Variants in GSE1 observed in about 807,000 individuals in gnomAD.
GSE1 encodes genetic suppressor element 1.
Under a neutral mutation model 112.6 loss-of-function variants are expected in GSE1, and 32 were observed. That is an observed-to-expected ratio of 0.28 (90% CI 0.21 to 0.38). The LOEUF (loss-of-function observed/expected upper bound fraction) is 0.38, where lower values mean the gene tolerates loss of function less well. Among genes scored for constraint, GSE1 ranks in the 10% least tolerant of loss-of-function variants. The probability of loss-of-function intolerance (pLI) is 1.00; values close to 1 mark genes in which losing one functional copy is unlikely to be tolerated. For missense variants in GSE1, 2,348 were observed against 1,699.2 expected, an observed-to-expected ratio of 1.38 and a Z score of -6.71; for synonymous variants, 1,115 against 735.6, an observed-to-expected ratio of 1.52 and a Z score of -8.35.
chr16:85,650,479 G>C (rs887801563), intron 3 of GSE1, among the ~76,000 whole-genome samples: 1 of 152,178 alleles, frequency 6.6e-6, no homozygotes, highest in Non-Finnish European at 1.5e-5. Flanking sequence ...ACCCCGACCA[G>C]AGCTCCTGGC....
At position 85,676,078 on chromosome 16, in the gene GSE1, C is replaced by T. The variant is rs1276770758; in HGVS notation, c.*3539C>T. The stretch of plus-strand genomic sequence containing the variant: ...TAGATGCTGTGAAATTAAACCTGTT[C>T]TAAGTGTACTTGTTTGAATTAATTG... On this transcript the variant is annotated 3_prime_UTR_variant, in exon 16 of 16. Transcript: ENST00000253458. The T allele has an allele frequency of 6.6e-6, 1 of 152,624 alleles. No individual in the cohort carries two copies. The highest frequency in any genetic ancestry group is 2.4e-5 in the African/African-American group (1 of 41,438). 9.5% of individuals were successfully genotyped at this position (152,624 alleles called of 1,614,324 possible). A position where few individuals can be genotyped will look rare whatever the true frequency, so the allele number is the denominator to read the frequency against.
At chr16:85,462,808 G>A (rs1437617200) in intron 2 of GSE1, among the ~76,000 whole-genome samples, 2 of 144,812 alleles carry the variant, frequency 1.4e-5, no homozygotes, top group African/African-American at 2.5e-5. Context: ...AGCCGGGGGC[G>A]CGGGGCCGGG....
Position 85,672,560 on chromosome 16 carries a change from C to G in GSE1, c.*21C>G. On this transcript the variant is annotated 3_prime_UTR_variant, in exon 16 of 16. Coordinates refer to ENST00000253458, the MANE Select transcript of GSE1 (RefSeq NM_014615.5). ...GGTGACGGTTTCCCTTGCACTAGGC[C>G]GAACCTATAGTATAGAAATATTATC... The G allele has an allele frequency of 6.4e-7, 1 of 1,553,294 alleles. No individual in the cohort carries two copies. The highest frequency in any genetic ancestry group is 8.8e-7 in the Non-Finnish European group (1 of 1,133,914).
intron 2 of GSE1, among the ~76,000 whole-genome samples, chr16:85,423,967 A>G (rs962626980): frequency 6.6e-6 from 1 of 152,096 alleles, no homozygotes; most frequent in African/African-American, 2.4e-5. Flanking sequence ...CACTTCCTGG[A>G]GGCTGGCACT....
At chr16:85,234,628 C>T (rs1904404032) in intron 1 of GSE1, among the ~76,000 whole-genome samples, 1 of 152,196 alleles carries the variant, frequency 6.6e-6, no homozygotes, top group African/African-American at 2.4e-5. Flanking sequence ...CTCAGGGAGG[C>T]CCTGTGACGT....
At position 85,673,356 on chromosome 16, in the gene GSE1, GTATGTTTTTATTACTT is replaced by G. The variant is rs2053491050; in HGVS notation, c.*820_*835del. The G allele has an allele frequency of 6.6e-6, 1 of 151,048 alleles. No individual in the cohort carries two copies. 9.4% of individuals were successfully genotyped at this position (151,048 alleles called of 1,614,324 possible). On this transcript the variant is annotated 3_prime_UTR_variant, in exon 16 of 16. Coordinates refer to ENST00000253458, the MANE Select transcript of GSE1 (RefSeq NM_014615.5). Reference sequence around the variant, plus strand: ...TATATTAAAAAAAAAACAAAGTTTTGTATGTTTTTATTACTTTAACTATTGTTATAAAAAGCCTGCC... The same window carrying G: ...TATATTAAAAAAAAAACAAAGTTTTGTAACTATTGTTATAAAAAGCCTGCC...
chr16:85,253,046 A>C (rs1906653195), intron 1 of GSE1, among the ~76,000 whole-genome samples: 3 of 119,252 alleles, frequency 2.5e-5, no homozygotes, highest in East Asian at 2.9e-4. Context: ...GCTCCAGCTC[A>C]TAGGCGCCCC....
intron 2 of GSE1, among the ~76,000 whole-genome samples, chr16:85,506,125 A>C (rs2051527796): frequency 6.6e-6 from 1 of 152,134 alleles, no homozygotes; most frequent in Admixed American, 6.5e-5. Context: ...TATTGTGTGC[A>C]GTTGTGCAGC....
At chr16:85,659,830 C>A (rs2052284497) in intron 8 of GSE1, among the ~76,000 whole-genome samples, 1 of 152,256 alleles carries the variant, frequency 6.6e-6, no homozygotes, top group African/African-American at 2.4e-5. Context: ...TTCTTTCCCT[C>A]CCTGCCTCAG....
chr16:85,567,577 G>A (rs545135273), intron 1 of GSE1, among the ~76,000 whole-genome samples: 17 of 152,274 alleles, frequency 1.1e-4, no homozygotes, highest in South Asian at 4.1e-4. Context: ...CCAGAGCTCC[G>A]AAGGCAGTGG....
upstream of GSE1, chr16:85,611,454 G>C (rs1174012305): frequency 1.0e-6 from 1 of 985,108 alleles, no homozygotes; most frequent in Non-Finnish European, 1.2e-6. Context: ...GCCGCAAGGG[G>C]GGCGCCGCCG....
rs1024274773 is a variant in GSE1, at chr16:85,436,217, C to T, written c.2464+78574C>T. Among the ~76,000 whole-genome samples, 6 of 152,240 alleles carry T rather than the reference C, an allele frequency of 3.9e-5. No homozygotes were observed. In the South Asian group the frequency reaches 8.3e-4, roughly 21 times the overall value. On this transcript the variant is annotated intron_variant, in intron 2 of 2. Coordinates refer to the GSE1 transcript ENST00000637419. The stretch of plus-strand genomic sequence containing the variant: ...AAGTTCACCCCTAAACTCCTCTCCT[C>T]TCCTTCCCTTGCTCTTAGCAAAGCA...
chr16:85,478,076 C>T (rs1427166380), intron 2 of GSE1, among the ~76,000 whole-genome samples: 4 of 152,186 alleles, frequency 2.6e-5, no homozygotes, highest in Admixed American at 6.5e-5. Flanking sequence ...CGCTTTCTGT[C>T]TGTGGATTTC....
chr16:85,656,538 G>C lies in GSE1; in HGVS notation c.1185G>C (p.Glu395Asp). Residue 395 changes from glutamate to aspartate, a missense_variant, in exon 7 of 16, where the codon GAG (glutamate) becomes GAC (aspartate). Coordinates refer to ENST00000253458, the MANE Select transcript of GSE1 (RefSeq NM_014615.5). ...GCCAGCGGGAGCAGCGGGCCCGGGA[G>C]AAGGAGCTGCTGGCCGCCAAGGCCC... is the stretch of plus-strand genomic sequence containing the variant. ...LERQREQRAR[E>D]KELLAAKALE... The C allele has an allele frequency of 6.5e-7, 1 of 1,548,962 alleles. No individual in the cohort carries two copies. Among genetic ancestry groups the C allele is most frequent in the Non-Finnish European group, 8.7e-7 (1 of 1,146,492 alleles).
Position 85,336,224 on chromosome 16 carries a change from T to C in GSE1, c.2284-21239T>C, listed in dbSNP as rs111311663. 8.5e-5 allele frequency among the ~76,000 whole-genome samples: 13 copies of C among 152,296 alleles called. 1 individual carries two copies. The highest frequency in any genetic ancestry group is 4.6e-4 in the Admixed American group (7 of 15,298). ...TGAGCTTCCATTAGCCCTCCTGACA[T>C]GCGCCACTCCAGCAGTGTTTGGGGA... is the stretch of plus-strand genomic sequence containing the variant. On this transcript the variant is annotated intron_variant, in intron 1 of 2. Transcript: ENST00000637419.
At chr16:85,519,205 A>G (rs373727426) in intron 2 of GSE1, among the ~76,000 whole-genome samples, 3 of 152,078 alleles carry the variant, frequency 2.0e-5, no homozygotes, top group African/African-American at 7.2e-5. Context: ...CCTCATCATC[A>G]TCACCTTCAC....
chr16:85,393,473 C>T (rs1232349491), intron 2 of GSE1, among the ~76,000 whole-genome samples: 2 of 152,336 alleles, frequency 1.3e-5, no homozygotes. Flanking sequence ...TCACACAGTA[C>T]CCAGCACACA....
intron 1 of GSE1, among the ~76,000 whole-genome samples, chr16:85,565,394 C>CAAA (rs36033236): frequency 0.02 from 2,341 of 118,770 alleles, 140 homozygotes; most frequent in African/African-American, 0.075. Context: ...GACTCTGTCT[C>CAAA]AAAAAAAAAA....
chr16:85,195,360 C>A (rs1190276224), intron 1 of GSE1, among the ~76,000 whole-genome samples: 25 of 152,234 alleles, frequency 1.6e-4, no homozygotes, highest in African/African-American at 6.0e-4. Context: ...CAGCAAGAAC[C>A]ACGTTGGAGG....
Sources: allele counts gnomAD v4.1 joint callset (sites outside exome capture counted in the v4.1 genomes callset), GRCh38; gene constraint gnomAD v4.1.1; transcripts MANE v1.5; gene names NCBI Gene and HGNC (gene_info 2026-07-23, HGNC 2026-07-21).